Variants in PDE8B observed in about 807,000 individuals in gnomAD.
The protein encoded by PDE8B is phosphodiesterase 8B, also known as high affinity cAMP-specific and IBMX-insensitive 3',5'-cyclic phosphodiesterase 8B.
A neutral mutation model predicts 101.3 loss-of-function variants in PDE8B; 26 were observed. That is an observed-to-expected ratio of 0.26 (90% confidence interval 0.19 to 0.36). The LOEUF is 0.36. PDE8B is among the 10% of genes least tolerant of loss of function. The probability of loss-of-function intolerance (pLI) is 1.00; values close to 1 mark genes in which losing one functional copy is unlikely to be tolerated. For synonymous variants in PDE8B, 424 were observed against 429.3 expected, an observed-to-expected ratio of 0.99 and a Z score of 0.15; for missense variants, 810 against 1,163.1, an observed-to-expected ratio of 0.70 and a Z score of 4.42.
intron 12 of PDE8B, among the ~76,000 whole-genome samples, chr5:77,406,750 C>G (rs1035107895): frequency 1.3e-5 from 2 of 152,178 alleles, no homozygotes; most frequent in Non-Finnish European, 2.9e-5. Flanking sequence ...CAAGCTTCTA[C>G]CCTTGGCATC....
At chr5:77,130,246 C>A in the PDE8B span, among the ~76,000 whole-genome samples, 2 of 152,082 alleles carry the variant, frequency 1.3e-5, no homozygotes, top group Non-Finnish European at 2.9e-5. Flanking sequence ...TAGCTATCTG[C>A]AAAAGTTGTG....
intron 1 of PDE8B, chr5:77,290,209 G>C: frequency 6.5e-7 from 1 of 1,539,786 alleles, no homozygotes; most frequent in South Asian, 1.2e-5. Context: ...CGCGCACTGT[G>C]TGTGCACGCT....
chr5:77,281,313 T>C (rs1764944894), intron 1 of PDE8B, among the ~76,000 whole-genome samples: 2 of 152,374 alleles, frequency 1.3e-5, no homozygotes, highest in East Asian at 3.9e-4. Flanking sequence ...AGGATTCTAA[T>C]CCAATGTTTT....
chr5:77,268,474 A>G (rs948923401), intron 1 of PDE8B, among the ~76,000 whole-genome samples: 1 of 151,886 alleles, frequency 6.6e-6, no homozygotes, highest in African/African-American at 2.4e-5. Flanking sequence ...ATATTTTTGT[A>G]CTAATTAACC....
At chr5:77,293,046 T>A (rs1007870727) in intron 1 of PDE8B, among the ~76,000 whole-genome samples, 1 of 152,194 alleles carries the variant, frequency 6.6e-6, no homozygotes, top group African/African-American at 2.4e-5. Flanking sequence ...TAGAGCTGAC[T>A]TAATTTTTCT....
At chr5:77,387,130 G>A (rs1472845931) in intron 10 of PDE8B, among the ~76,000 whole-genome samples, 10 of 151,766 alleles carry the variant, frequency 6.6e-5, no homozygotes, top group African/African-American at 1.7e-4. Flanking sequence ...TGATCCACCC[G>A]CCTCGGCCGA....
intron 20 of PDE8B, 70 bp from the exon 21 acceptor site, chr5:77,425,697 G>A: frequency 2.0e-6 from 3 of 1,524,532 alleles, no homozygotes; most frequent in Admixed American, 1.7e-5. Flanking sequence ...GGGTTGTTCT[G>A]AGAAACAGGA....
intron 1 of PDE8B, among the ~76,000 whole-genome samples, chr5:77,284,342 T>C (rs1233121462): frequency 6.6e-6 from 1 of 152,212 alleles, no homozygotes; most frequent in Non-Finnish European, 1.5e-5. Context: ...GTCTAACTTA[T>C]CAATTACTTC....
At chr5:77,139,381 C>T in the PDE8B span, 1 of 152,318 alleles carries the variant, frequency 6.6e-6, no homozygotes, top group African/African-American at 2.4e-5. Context: ...AGTTGCTCAC[C>T]CACTGAACTG....
At chr5:77,184,529 T>A in the PDE8B span, among the ~76,000 whole-genome samples, 1 of 152,188 alleles carries the variant, frequency 6.6e-6, no homozygotes, top group African/African-American at 2.4e-5. Flanking sequence ...ATTTTTTGCC[T>A]ACAAAAACAA....
chr5:77,273,766 T>TGGTGAAAAGAGAGAACTTCCAG (rs2149792962), intron 1 of PDE8B, among the ~76,000 whole-genome samples: 1 of 152,220 alleles, frequency 6.6e-6, no homozygotes, highest in African/African-American at 2.4e-5. Flanking sequence ...ATTAACACAA[T>TGGTGAAAAGAGAGAACTTCCAG]GGTGAAAAGA....
chr5:77,220,565 T>C (rs958971845), intron 1 of PDE8B, among the ~76,000 whole-genome samples: 9 of 152,254 alleles, frequency 5.9e-5, no homozygotes, highest in Non-Finnish European at 1.2e-4. Flanking sequence ...CTAGTTGTTA[T>C]TGGGGAAAGA....
chr5:77,214,962 G>A (rs1749338246), intron 1 of PDE8B, among the ~76,000 whole-genome samples: 1 of 152,184 alleles, frequency 6.6e-6, no homozygotes. Flanking sequence ...AGGCGAATGA[G>A]GTGGGGCCAC....
Position 77,421,859 on chromosome 5 carries a change from G to A in PDE8B, c.2289G>A (p.Lys763=). Residue 763 remains lysine (K), a synonymous_variant, in exon 20 of 22, where the codon AAG becomes AAA. Transcript: ENST00000264917. The stretch of plus-strand genomic sequence containing the variant: ...ACTGTGAATGCAACCCTGCTGGGAA[G>A]AACTTCCCTGAAAACCAAATCCTGA... ...GSDCECNPAG[K]NFPENQILIK... 1 of 1,614,132 alleles carries A rather than the reference G, an allele frequency of 6.2e-7. No homozygotes were observed. Among genetic ancestry groups the A allele is most frequent in the Non-Finnish European group, 8.5e-7 (1 of 1,180,014 alleles).
At chr5:77,153,878 C>G in the PDE8B span, among the ~76,000 whole-genome samples, 1 of 152,130 alleles carries the variant, frequency 6.6e-6, no homozygotes, top group Non-Finnish European at 1.5e-5. Context: ...CCCGGCCCAG[C>G]TGTACTTTTA....
chr5:77,361,099 CAT>C (rs1344471961), intron 10 of PDE8B, among the ~76,000 whole-genome samples: 3 of 152,218 alleles, frequency 2.0e-5, no homozygotes, highest in South Asian at 2.1e-4. Flanking sequence ...ATTTTACTAT[CAT>C]GTGTGCTCTT....
the PDE8B span, among the ~76,000 whole-genome samples, chr5:77,189,156 C>T: frequency 6.6e-6 from 1 of 152,314 alleles, no homozygotes; most frequent in Admixed American, 6.5e-5. Flanking sequence ...CTGTGAGCAG[C>T]AGGGGAGGAC....
At chr5:77,347,005 C>T (rs1238474434) in intron 7 of PDE8B, among the ~76,000 whole-genome samples, 1 of 152,152 alleles carries the variant, frequency 6.6e-6, no homozygotes, top group South Asian at 2.1e-4. Context: ...CAAGTAGCAG[C>T]ACTTAAAATT....
intron 3 of PDE8B, among the ~76,000 whole-genome samples, chr5:77,326,168 CT>C (rs1776019852): frequency 6.6e-6 from 1 of 152,226 alleles, no homozygotes; most frequent in African/African-American, 2.4e-5. Flanking sequence ...CCATAGCAGG[CT>C]TCCCAGTCAT....
Sources: allele counts gnomAD v4.1 joint callset (sites outside exome capture counted in the v4.1 genomes callset), GRCh38; gene constraint gnomAD v4.1.1; transcripts MANE v1.5; gene names NCBI Gene and HGNC (gene_info 2026-07-23, HGNC 2026-07-21).